CHODL: variants seen among roughly 807,000 people sequenced by gnomAD.
CHODL encodes the protein chondrolectin.
CHODL carries 29 observed loss-of-function variants against 34.5 expected under a neutral mutation model. The ratio of observed to expected loss-of-function variants is 0.84; its 90% CI spans 0.63 to 1.15. The LOEUF is 1.15. Ranked by LOEUF, CHODL falls within the 50% of genes most tolerant of loss-of-function variation. CHODL has a pLI of 0.00. For missense variants in CHODL, 332 were observed against 332.5 expected (o/e 1.00, Z 0.01); for synonymous variants, 125 against 116.1 (o/e 1.08, Z -0.49).
At chr21:18,252,208 G>C (rs1601208996) in intron 1 of CHODL, among the ~76,000 whole-genome samples, 1 of 152,142 alleles carries the variant, frequency 6.6e-6, no homozygotes, top group South Asian at 2.1e-4. Flanking sequence ...TAGTTCGACG[G>C]CATAAATGTA....
At chr21:18,025,846 G>T (rs1466765003) in intron 1 of CHODL, among the ~76,000 whole-genome samples, 1 of 152,098 alleles carries the variant, frequency 6.6e-6, no homozygotes, top group Non-Finnish European at 1.5e-5. Context: ...GTGTGTGTCT[G>T]TGTCCAAATT....
intron 1 of CHODL, among the ~76,000 whole-genome samples, chr21:17,941,328 C>T (rs1298075866): frequency 7.4e-6 from 1 of 135,402 alleles, no homozygotes; most frequent in Non-Finnish European, 1.5e-5. Flanking sequence ...GGCCACTTTC[C>T]AAGGCTAGAA....
At chr21:18,260,474 G>T (rs2074367236) in intron 4 of CHODL, among the ~76,000 whole-genome samples, 188 bp downstream of exon 4, 1 of 152,144 alleles carries the variant, frequency 6.6e-6, no homozygotes, top group East Asian at 1.9e-4. Context: ...AGAAAAACCT[G>T]TTTTGTTTTC....
At chr21:17,927,033 T>G (rs973458398) in intron 1 of CHODL, among the ~76,000 whole-genome samples, 1 of 151,414 alleles carries the variant, frequency 6.6e-6, no homozygotes, top group East Asian at 1.9e-4. Flanking sequence ...TGTATGCATA[T>G]ATGTATATGT....
At chr21:18,076,697 G>A (rs1026736000) in intron 2 of CHODL, among the ~76,000 whole-genome samples, 3 of 152,198 alleles carry the variant, frequency 2.0e-5, no homozygotes, top group Admixed American at 6.5e-5. Flanking sequence ...TATTGTCTAA[G>A]ACAATAGAAG....
At chr21:18,066,808 T>C in intron 2 of CHODL, among the ~76,000 whole-genome samples, 1 of 152,102 alleles carries the variant, frequency 6.6e-6, no homozygotes, top group Non-Finnish European at 1.5e-5. Context: ...GGTATCCTTA[T>C]AAGAAGACGA....
At chr21:17,981,721 C>T (rs2063715542) in intron 1 of CHODL, among the ~76,000 whole-genome samples, 1 of 152,122 alleles carries the variant, frequency 6.6e-6, no homozygotes, top group Admixed American at 6.6e-5. Flanking sequence ...GTGGCCTGGC[C>T]TCATATTAAA....
chr21:18,129,207 ATTT>A (rs1353549009), intron 2 of CHODL, among the ~76,000 whole-genome samples: 1 of 152,096 alleles, frequency 6.6e-6, no homozygotes, highest in Non-Finnish European at 1.5e-5. Context: ...ACTCAGAATA[ATTT>A]TTATTTTAAT....
intron 2 of CHODL, among the ~76,000 whole-genome samples, chr21:18,088,896 GCA>G (rs2065039124): frequency 6.6e-6 from 1 of 152,136 alleles, no homozygotes; most frequent in African/African-American, 2.4e-5. Flanking sequence ...CTGAAAATCA[GCA>G]CTCCTTACCT....
At chr21:18,209,655 C>T (rs2073752352) in intron 2 of CHODL, among the ~76,000 whole-genome samples, 1 of 152,134 alleles carries the variant, frequency 6.6e-6, no homozygotes, top group Admixed American at 6.5e-5. Flanking sequence ...GCCAGCACAG[C>T]TCTGAGTCTC....
intron 2 of CHODL, among the ~76,000 whole-genome samples, chr21:18,146,484 T>A (rs965345273): frequency 6.6e-6 from 1 of 152,082 alleles, no homozygotes; most frequent in Middle Eastern, 3.2e-3. Flanking sequence ...TCATGAGACC[T>A]GATGGCTTCA....
chr21:18,208,125 T>G (rs551827394), intron 2 of CHODL, among the ~76,000 whole-genome samples: 17 of 152,008 alleles, frequency 1.1e-4, no homozygotes, highest in Non-Finnish European at 2.1e-4. Context: ...TTGAGTTTAT[T>G]TCTAGATTTT....
chr21:18,096,282 CGT>C (rs1167066454), intron 2 of CHODL, among the ~76,000 whole-genome samples: 1 of 152,046 alleles, frequency 6.6e-6, no homozygotes, highest in African/African-American at 2.4e-5. Flanking sequence ...GTTTGTAAAA[CGT>C]GTGTTTGAAC....
chr21:18,253,910 A>T (rs1206652311), intron 1 of CHODL, among the ~76,000 whole-genome samples: 2 of 152,140 alleles, frequency 1.3e-5, no homozygotes, highest in African/African-American at 2.4e-5. Context: ...GCTTGCTTGC[A>T]TTGCCAGAAC....
chr21:18,044,826 A>G (rs2064421858), intron 2 of CHODL, among the ~76,000 whole-genome samples: 1 of 151,850 alleles, frequency 6.6e-6, no homozygotes, highest in Non-Finnish European at 1.5e-5. Flanking sequence ...GGCTAATTTC[A>G]TCCTACTTCA....
chr21:18,141,015 C>A (rs2072794739), intron 2 of CHODL, among the ~76,000 whole-genome samples: 1 of 151,842 alleles, frequency 6.6e-6, no homozygotes, highest in South Asian at 2.1e-4. Flanking sequence ...AAGTAGAATT[C>A]TTTTTATATG....
intron 1 of CHODL, among the ~76,000 whole-genome samples, chr21:17,983,403 T>C (rs571334696): frequency 6.6e-6 from 1 of 152,318 alleles, no homozygotes; most frequent in South Asian, 2.1e-4. Context: ...CTAAAAATGG[T>C]ATTTTTCTAA....
At chr21:17,930,247 C>T (rs2063261408) in intron 1 of CHODL, among the ~76,000 whole-genome samples, 1 of 151,188 alleles carries the variant, frequency 6.6e-6, no homozygotes. Context: ...GCAGGGCTAC[C>T]CCTGCCTGTG....
chr21:18,053,034 T>C (rs1048806741), intron 2 of CHODL, among the ~76,000 whole-genome samples: 1 of 151,928 alleles, frequency 6.6e-6, no homozygotes, highest in Non-Finnish European at 1.5e-5. Context: ...AAGTTTAATA[T>C]TTATTTTCAT....
Sources: gnomAD v4.1 joint callset for allele counts (sites outside exome capture counted in the v4.1 genomes callset) on GRCh38, gnomAD v4.1.1 for gene constraint, MANE v1.5 for transcripts, NCBI Gene and HGNC (gene_info 2026-07-23, HGNC 2026-07-21) for gene names.